Variants in RIMS2 observed in about 807,000 individuals in gnomAD.
The protein encoded by RIMS2 is regulating synaptic membrane exocytosis 2, also known as regulating synaptic membrane exocytosis protein 2.
RIMS2 carries 59 observed loss-of-function variants against 174.4 expected under a neutral mutation model. The observed-to-expected ratio is 0.34, with a 90% CI of 0.27 to 0.42. The LOEUF (loss-of-function observed/expected upper bound fraction) is 0.42, where lower values mean the gene tolerates loss of function less well. Among genes scored for constraint, RIMS2 ranks in the 10% least tolerant of loss-of-function variants. The pLI is 1.00. For synonymous variants in RIMS2, 606 were observed against 572.5 expected (o/e 1.06, Z -0.84); for missense variants, 1,620 against 1,666.3 (o/e 0.97, Z 0.48).
At chr8:103,912,970 G>GTTTTTTTTTTTTTTTTTTTTTTTTTTT (rs1272975359) in intron 6 of RIMS2, among the ~76,000 whole-genome samples, 1 of 114,906 alleles carries the variant, frequency 8.7e-6, no homozygotes. Context: ...TTTTTTTGTT[G>GTTTTTTTTTTTTTTTTTTTTTTTTTTT]TTTTTTTTTT....
intron 17 of RIMS2, among the ~76,000 whole-genome samples, chr8:103,990,066 A>G (rs1038636683): frequency 6.6e-6 from 1 of 152,142 alleles, no homozygotes; most frequent in African/African-American, 2.4e-5. Context: ...ACTTAAGCAA[A>G]TCGATAAACT....
chr8:103,979,839 G>C (rs1287812895), intron 16 of RIMS2, among the ~76,000 whole-genome samples: 1 of 152,146 alleles, frequency 6.6e-6, no homozygotes, highest in Non-Finnish European at 1.5e-5. Flanking sequence ...TCATGGCAGA[G>C]AGCAAAGCTT....
chr8:104,082,484 G>A (rs1220884098), intron 19 of RIMS2, among the ~76,000 whole-genome samples: 2 of 152,164 alleles, frequency 1.3e-5, no homozygotes, highest in Non-Finnish European at 2.9e-5. Flanking sequence ...TTCTCAGGCT[G>A]AAGAGAGAGC....
intron 2 of RIMS2, among the ~76,000 whole-genome samples, chr8:103,702,945 C>G (rs1430627504): frequency 1.0e-5 from 1 of 100,240 alleles, no homozygotes; most frequent in African/African-American, 3.8e-5. Context: ...CTTCTTTTTT[C>G]TGTTTCGTGA....
At chr8:103,543,937 T>G (rs1317406852) in intron 1 of RIMS2, among the ~76,000 whole-genome samples, 1 of 152,240 alleles carries the variant, frequency 6.6e-6, no homozygotes, top group Non-Finnish European at 1.5e-5. Flanking sequence ...GCAATGATTT[T>G]TTTAGATATG....
chr8:103,572,970 T>G (rs1588038494), intron 1 of RIMS2, among the ~76,000 whole-genome samples: 1 of 152,318 alleles, frequency 6.6e-6, no homozygotes, highest in East Asian at 1.9e-4. Flanking sequence ...TCATAAATTC[T>G]TCCCCTAGGC....
chr8:103,826,158 T>A (rs1486836662), intron 3 of RIMS2, among the ~76,000 whole-genome samples: 2 of 152,152 alleles, frequency 1.3e-5, no homozygotes, highest in Non-Finnish European at 2.9e-5. Flanking sequence ...ATGTATGTTT[T>A]CTCCCATTCT....
At chr8:103,545,842 A>G (rs1295713129) in intron 1 of RIMS2, among the ~76,000 whole-genome samples, 1 of 152,180 alleles carries the variant, frequency 6.6e-6, no homozygotes, top group Non-Finnish European at 1.5e-5. Flanking sequence ...TAGGGAATTC[A>G]TTATCGCTGG....
rs559619534 is a variant in RIMS2, at chr8:103,863,576, C to CT, written c.699-21715dup. Among the ~76,000 whole-genome samples the CT allele has an allele frequency of 3.3e-5, 5 of 149,876 alleles. No homozygotes were observed. In the South Asian group the frequency reaches 1.1e-3, roughly 32 times the overall value. On this transcript the variant is annotated intron_variant, in intron 3 of 23. Transcript: ENST00000504942. ...GGGGATGAATTCATCTGATCCTGGG[C>CT]TTTTTTTATTGTTGGAAGTTTTTTT...
intron 19 of RIMS2, among the ~76,000 whole-genome samples, chr8:104,162,643 C>T (rs1265906803): frequency 1.3e-5 from 2 of 151,836 alleles, no homozygotes; most frequent in Admixed American, 6.6e-5. Context: ...AATAAAAATT[C>T]CTCAGGAAAG....
chr8:103,608,919 A>G (rs2095261292), intron 1 of RIMS2, among the ~76,000 whole-genome samples: 1 of 152,152 alleles, frequency 6.6e-6, no homozygotes, highest in African/African-American at 2.4e-5. Context: ...TGAACCTGGT[A>G]CCTCAGATGG....
intron 2 of RIMS2, among the ~76,000 whole-genome samples, chr8:103,709,658 TC>T (rs1418045339): frequency 6.6e-6 from 1 of 152,150 alleles, no homozygotes; most frequent in Non-Finnish European, 1.5e-5. Context: ...TCTTTCTAAT[TC>T]TTTTAGATAT....
intron 1 of RIMS2, among the ~76,000 whole-genome samples, chr8:103,579,556 G>A (rs1471594229): frequency 1.3e-5 from 2 of 152,154 alleles, no homozygotes; most frequent in Admixed American, 1.3e-4. Context: ...GTAAAAATGG[G>A]AGGGAATGGA....
At chr8:103,911,993 A>G (rs2075763544) in intron 5 of RIMS2, 60 bp from the exon 9 acceptor site, 1 of 1,332,734 alleles carries the variant, frequency 7.5e-7, no homozygotes. Context: ...ATAAAACGAT[A>G]AATAAAATCA....
At chr8:103,506,815 A>C (rs1339348340) in intron 1 of RIMS2, among the ~76,000 whole-genome samples, 2 of 152,114 alleles carry the variant, frequency 1.3e-5, no homozygotes, top group Non-Finnish European at 2.9e-5. Context: ...GTGGGTGACA[A>C]CTTGAAAATA....
At chr8:104,060,314 G>A (rs1289338129) in intron 19 of RIMS2, among the ~76,000 whole-genome samples, 1 of 148,048 alleles carries the variant, frequency 6.8e-6, no homozygotes, top group African/African-American at 2.5e-5. Flanking sequence ...TGTATGTGTC[G>A]AGGAATTTAT....
At chr8:103,580,006 G>C in intron 1 of RIMS2, among the ~76,000 whole-genome samples, 1 of 152,088 alleles carries the variant, frequency 6.6e-6, no homozygotes, top group East Asian at 1.9e-4. Context: ...CCGCCCCCGT[G>C]ATCCAATCAC....
At chr8:104,207,683 G>A (rs972407852) in intron 19 of RIMS2, among the ~76,000 whole-genome samples, 13 of 151,946 alleles carry the variant, frequency 8.6e-5, no homozygotes, top group African/African-American at 3.1e-4. Context: ...CCTGGTGGCA[G>A]GCATCTGTAA....
intron 19 of RIMS2, among the ~76,000 whole-genome samples, chr8:104,213,090 T>A (rs1331495340): frequency 6.6e-6 from 1 of 152,010 alleles, no homozygotes; most frequent in East Asian, 1.9e-4. Context: ...GGGAGACGGA[T>A]CACCTGAGGT....
Sources: gnomAD v4.1 joint callset for allele counts (sites outside exome capture counted in the v4.1 genomes callset) on GRCh38, gnomAD v4.1.1 for gene constraint, MANE v1.5 for transcripts, NCBI Gene and HGNC (gene_info 2026-07-23, HGNC 2026-07-21) for gene names.